SPATA1: variants seen among roughly 807,000 people sequenced by gnomAD.
The protein encoded by SPATA1 is spermatogenesis-associated protein 1.
Under a neutral mutation model 59.6 loss-of-function variants are expected in SPATA1, and 57 were observed. That is an observed-to-expected ratio of 0.96 (90% CI 0.77 to 1.19). The LOEUF (loss-of-function observed/expected upper bound fraction) is 1.19, where lower values mean the gene tolerates loss of function less well. SPATA1 is among the 50% of genes most tolerant of loss of function. SPATA1 has a pLI of 0.00. For synonymous variants in SPATA1, 147 were observed against 163.9 expected (o/e 0.90, Z 0.79); for missense variants, 448 against 480.7 (o/e 0.93, Z 0.64).
At chr1:84,565,970 TTCTG>T in exon 5 of SPATA1, 1 of 1,589,220 alleles carries the variant, frequency 6.3e-7, no homozygotes, top group Non-Finnish European at 8.6e-7. Flanking sequence ...TTATAGCATC[TTCTG>T]TCTATGTTCT....
At chr1:84,557,533 CA>C (rs56101174), downstream of SPATA1, among the ~76,000 whole-genome samples, 211 of 55,436 alleles carry the variant, frequency 3.8e-3, no homozygotes, top group East Asian at 9.6e-3. Flanking sequence ...AACTCCATCT[CA>C]AAAAAAAAAA....
At chr1:84,550,047 T>G (rs964089849) in intron 11 of SPATA1, 4 of 152,126 alleles carry the variant, frequency 2.6e-5, no homozygotes, top group African/African-American at 9.6e-5. Context: ...TAGGTTTTCT[T>G]GTATTAAATT....
chr1:84,547,012 G>A (rs79723172), intron 10 of SPATA1, among the ~76,000 whole-genome samples: 3,955 of 152,202 alleles, frequency 0.026, 100 homozygotes, highest in Admixed American at 0.074. Flanking sequence ...AGGTATCTAT[G>A]GAATTAAGTG....
intron 4 of SPATA1, chr1:84,563,316 T>G: frequency 6.3e-7 from 1 of 1,597,494 alleles, no homozygotes. Flanking sequence ...GAAATAGAAC[T>G]ATTTATTTGC....
At chr1:84,532,247 G>A (rs1251739000) in intron 6 of SPATA1, among the ~76,000 whole-genome samples, 1 of 152,224 alleles carries the variant, frequency 6.6e-6, no homozygotes, top group Admixed American at 6.5e-5. Flanking sequence ...TGTAATTTCA[G>A]CACTTTGGGA....
At chr1:84,558,174 A>T (rs1304462282), downstream of SPATA1, among the ~76,000 whole-genome samples, 1 of 152,224 alleles carries the variant, frequency 6.6e-6, no homozygotes, top group Non-Finnish European at 1.5e-5. Context: ...CATTTAAAAA[A>T]TGGTATGTGA....
chr1:84,565,936 C>T, exon 5 of SPATA1: 2 of 1,601,508 alleles, frequency 1.2e-6, no homozygotes, highest in Non-Finnish European at 1.7e-6. Flanking sequence ...GAGGAAGTCA[C>T]AAGCATCTGC....
At chr1:84,514,236 A>T (rs1039763636) in intron 1 of SPATA1, among the ~76,000 whole-genome samples, 1 of 152,142 alleles carries the variant, frequency 6.6e-6, no homozygotes, top group Non-Finnish European at 1.5e-5. Flanking sequence ...ATCTTTTTAC[A>T]TCAGAACATT....
At chr1:84,523,442 T>A (rs551058638) in intron 4 of SPATA1, among the ~76,000 whole-genome samples, 95 of 152,308 alleles carry the variant, frequency 6.2e-4, no homozygotes, top group African/African-American at 2.3e-3. Flanking sequence ...GATTATATCA[T>A]TATTATGTGT....
chr1:84,557,098 A>G (rs894257533), downstream of SPATA1, among the ~76,000 whole-genome samples: 2 of 152,344 alleles, frequency 1.3e-5, no homozygotes, highest in Admixed American at 1.3e-4. Flanking sequence ...TGTAAGACTA[A>G]TTTATGCATG....
rs556820019 is a variant in SPATA1, at chr1:84,544,350, G to T, written c.820+46G>T. The T allele has an allele frequency of 7.9e-6, 11 of 1,399,082 alleles. No homozygotes were observed. In the South Asian group the frequency reaches 1.0e-4, roughly 13 times the overall value. The allele number at this position is 1,399,082 out of a possible 1,614,324, so 86.7% of individuals were successfully genotyped here. A position where few individuals can be genotyped will look rare whatever the true frequency, so the allele number is the denominator to read the frequency against. ...AGTACAGATGATTCTGTGAGGTAAA[G>T]TAAATAATGTTAATGGGGAGTTACT... On this transcript the variant is annotated intron_variant, in intron 9 of 12. Transcript: ENST00000490879.
rs545109547 is a variant in SPATA1 at position 84,538,487 on chromosome 1, G to T, written c.717+4721G>T. On this transcript the variant is annotated intron_variant, in intron 8 of 12. Coordinates refer to ENST00000490879, the Ensembl canonical transcript of SPATA1. ...CTTAGGTAAGACATATGTTTCTTAG[G>T]GGGTAGGAGATAAGCTGCAAGAAAA... 5.9e-4 allele frequency among the ~76,000 whole-genome samples: 90 copies of T among 152,214 alleles called. 3 individuals are homozygous for T. In the South Asian group the frequency reaches 0.018, roughly 31 times the overall value.
rs386367522 is a variant in SPATA1 at position 84,508,282 on chromosome 1, C to CAA, written c.-138+1876_-138+1877dup. Among the ~76,000 whole-genome samples, 254 of 116,258 alleles carry CAA rather than the reference C, an allele frequency of 2.2e-3. 1 individual carries two copies. Among genetic ancestry groups the CAA allele is most frequent in the South Asian group, 9.1e-3 (32 of 3,516 alleles). The allele number at this position is 116,258 out of a possible 152,430, so 76.3% of individuals were successfully genotyped here. ...CTGGCGACAGAGTGAGACTCCGTCT[C>CAA]AAAAAAAAAAAAACAAAACCATTGA... On this transcript the variant is annotated intron_variant, in intron 1 of 12. Transcript: ENST00000490879.
At chr1:84,520,356 C>T (rs925740) in intron 2 of SPATA1, 73,836 of 413,288 alleles carry the variant, frequency 0.18, 7,117 homozygotes, top group South Asian at 0.3. Flanking sequence ...GAGCTAATCT[C>T]ATAGCCACAT....
chr1:84,563,955 T>G (rs1684642302), intron 4 of SPATA1: 2 of 1,108,466 alleles, frequency 1.8e-6, no homozygotes, highest in Non-Finnish European at 2.4e-6. Flanking sequence ...AACACTAATA[T>G]TGTTTAATAT....
chr1:84,513,736 GTTCT>G (rs781001528), intron 1 of SPATA1, among the ~76,000 whole-genome samples: 35 of 151,778 alleles, frequency 2.3e-4, no homozygotes, highest in Non-Finnish European at 4.3e-4. Context: ...CATTTTCTCC[GTTCT>G]TTATCTTTTT....
intron 1 of SPATA1, among the ~76,000 whole-genome samples, chr1:84,508,105 C>T (rs1217050981): frequency 1.3e-5 from 2 of 152,016 alleles, no homozygotes; most frequent in Non-Finnish European, 2.9e-5. Flanking sequence ...CGTGGGGAAA[C>T]CGTCTCTACT....
In SPATA1 at chr1:84,544,197, T is replaced by C. The variant is rs768673322; in HGVS notation, c.718-5T>C. 6.3e-7 allele frequency: 1 copy of C among 1,576,842 alleles called. No homozygotes were observed. On this transcript the variant is annotated splice_region_variant and splice_polypyrimidine_tract_variant and intron_variant, in intron 8 of 12. Transcript: ENST00000490879. ...GATCTTACTCATTTTCACGTTTGCT[T>C]ACAGACAGCTGAAAAAGAGTACATC...
chr1:84,509,332 TC>T (rs1682434084), intron 1 of SPATA1, among the ~76,000 whole-genome samples: 1 of 152,172 alleles, frequency 6.6e-6, no homozygotes, highest in Admixed American at 6.5e-5. Flanking sequence ...GGACAGTCCC[TC>T]CAATAAATGG....
Sources: gnomAD v4.1 joint callset for allele counts (sites outside exome capture counted in the v4.1 genomes callset) on GRCh38, gnomAD v4.1.1 for gene constraint, MANE v1.5 for transcripts, NCBI Gene and HGNC (gene_info 2026-07-23, HGNC 2026-07-21) for gene names.